CADPS: variants seen among roughly 807,000 people sequenced by gnomAD.
CADPS encodes calcium-dependent secretion activator 1.
CADPS carries 57 observed loss-of-function variants against 167.3 expected under a neutral mutation model. That is an observed-to-expected ratio of 0.34 (90% confidence interval 0.28 to 0.42). The LOEUF (loss-of-function observed/expected upper bound fraction) is 0.42. Among genes scored for constraint, CADPS ranks in the 20% least tolerant of loss-of-function variants. CADPS has a pLI of 1.00. For missense variants in CADPS, 1,414 were observed against 1,738.1 expected, an observed-to-expected ratio of 0.81 and a Z score of 3.32; for synonymous variants, 676 against 635.3, an observed-to-expected ratio of 1.06 and a Z score of -0.96.
chr3:62,566,505 G>A (rs1303833612), intron 9 of CADPS, among the ~76,000 whole-genome samples: 7 of 152,286 alleles, frequency 4.6e-5, no homozygotes, highest in African/African-American at 1.7e-4. Flanking sequence ...AGCTCTGATG[G>A]CATTGGGGTT....
At chr3:62,566,984 C>G (rs1249164485) in intron 9 of CADPS, among the ~76,000 whole-genome samples, 4 of 152,174 alleles carry the variant, frequency 2.6e-5, no homozygotes. Context: ...GAAGTGAGCA[C>G]AGAGCTTGCT....
intron 3 of CADPS, among the ~76,000 whole-genome samples, chr3:62,716,376 G>A (rs549109060): frequency 1.3e-5 from 2 of 152,178 alleles, no homozygotes; most frequent in East Asian, 1.9e-4. Context: ...TCTAGATTTA[G>A]TAGAGAATGG....
At chr3:62,692,107 G>A (rs763826665) in intron 3 of CADPS, among the ~76,000 whole-genome samples, 24 of 151,900 alleles carry the variant, frequency 1.6e-4, no homozygotes, top group Admixed American at 3.3e-4. Flanking sequence ...AAATATGGAT[G>A]ATGGTATTTT....
At chr3:62,729,118 T>G (rs536148967) in intron 3 of CADPS, among the ~76,000 whole-genome samples, 2 of 151,912 alleles carry the variant, frequency 1.3e-5, no homozygotes, top group Non-Finnish European at 2.9e-5. Context: ...TCAAGTGGGG[T>G]GGTGACAGCA....
At chr3:62,430,232 G>C (rs1182238741) in intron 28 of CADPS, among the ~76,000 whole-genome samples, 1 of 152,142 alleles carries the variant, frequency 6.6e-6, no homozygotes, top group Non-Finnish European at 1.5e-5. Flanking sequence ...CCAAGTCCAT[G>C]TGGAATGGAA....
intron 13 of CADPS, among the ~76,000 whole-genome samples, chr3:62,527,870 CT>C (rs2072689040): frequency 6.6e-6 from 1 of 152,138 alleles, no homozygotes; most frequent in Admixed American, 6.5e-5. Context: ...TCATGAATTG[CT>C]TTTAAATCTG....
intron 1 of CADPS, among the ~76,000 whole-genome samples, chr3:62,804,906 G>T (rs1046384677): frequency 2.0e-5 from 3 of 152,114 alleles, no homozygotes; most frequent in African/African-American, 7.2e-5. Flanking sequence ...CAAATTTACT[G>T]AGAGTGAACA....
intron 28 of CADPS, 70 bp from the exon 29 acceptor site, chr3:62,403,255 C>A: frequency 9.5e-7 from 1 of 1,055,882 alleles, no homozygotes. Context: ...AGAGAGCAGG[C>A]AATGTTTGAG....
chr3:62,534,980 C>A (rs1402174145), intron 12 of CADPS, among the ~76,000 whole-genome samples: 1 of 151,922 alleles, frequency 6.6e-6, no homozygotes, highest in East Asian at 1.9e-4. Flanking sequence ...AACTCTCCTT[C>A]ACAGTGAATC....
chr3:62,487,552 T>C (rs2063030363), intron 21 of CADPS, among the ~76,000 whole-genome samples: 1 of 152,208 alleles, frequency 6.6e-6, no homozygotes, highest in Non-Finnish European at 1.5e-5. Flanking sequence ...AGCAAAGAGA[T>C]GACATTGTCC....
At chr3:62,569,962 A>G (rs2080986888) in intron 9 of CADPS, among the ~76,000 whole-genome samples, 1 of 152,210 alleles carries the variant, frequency 6.6e-6, no homozygotes, top group Non-Finnish European at 1.5e-5. Flanking sequence ...TTCTGGAAAA[A>G]AATTTAAGAA....
intron 3 of CADPS, among the ~76,000 whole-genome samples, chr3:62,672,553 C>T (rs1384951732): frequency 6.6e-6 from 1 of 152,160 alleles, no homozygotes; most frequent in Admixed American, 6.6e-5. Flanking sequence ...CCATTCTGTA[C>T]TTCTAGGTTC....
intron 28 of CADPS, among the ~76,000 whole-genome samples, chr3:62,431,143 T>C (rs539416617): frequency 7.2e-5 from 11 of 152,158 alleles, no homozygotes; most frequent in Non-Finnish European, 1.6e-4. Context: ...TAATTTCAGA[T>C]TGATAACCTC....
At position 62,478,234 on chromosome 3, in the gene CADPS, A is replaced by G. The variant is rs752038914; in HGVS notation, c.3329+27T>C. On this transcript the variant is annotated intron_variant, in intron 23 of 29. Coordinates refer to ENST00000383710, the MANE Select transcript of CADPS (RefSeq NM_003716.4). This position sits in a 1 kb window ranked among gnomAD's most constrained non-coding sequence, Gnocchi z 5.7. ...TCTGTGTATGGTGGGGAGGGTGTGC[A>G]GAACCTGTCCAGCCACCTATACTTA... 1 of 1,612,634 alleles carries G rather than the reference A, an allele frequency of 6.2e-7. No individual in the cohort carries two copies. Among genetic ancestry groups the G allele is most frequent in the Non-Finnish European group, 8.5e-7 (1 of 1,179,310 alleles).
At chr3:62,403,270 C>A in intron 28 of CADPS, 85 bp from the exon 29 acceptor site, 1 of 838,192 alleles carries the variant, frequency 1.2e-6, no homozygotes, top group South Asian at 1.5e-5. Context: ...TTTGAGTACC[C>A]CACTCTGTTC....
chr3:62,407,843 C>T (rs1289676853), intron 28 of CADPS, among the ~76,000 whole-genome samples: 2 of 152,158 alleles, frequency 1.3e-5, no homozygotes, highest in African/African-American at 4.8e-5. Context: ...AAGTGATTCT[C>T]CTGCCTCAGC....
chr3:62,624,401 T>A (rs1023339517), intron 6 of CADPS, among the ~76,000 whole-genome samples: 1 of 152,060 alleles, frequency 6.6e-6, no homozygotes, highest in African/African-American at 2.4e-5. Context: ...ATCCATATGT[T>A]TCAGAAAAAA....
At chr3:62,709,136 T>G (rs1280169812) in intron 3 of CADPS, among the ~76,000 whole-genome samples, 1 of 152,088 alleles carries the variant, frequency 6.6e-6, no homozygotes, top group Non-Finnish European at 1.5e-5. Context: ...CAGCTCTGGC[T>G]CAAACAAAGG....
At chr3:62,654,859 G>A (rs547443864) in intron 4 of CADPS, among the ~76,000 whole-genome samples, 9 of 152,254 alleles carry the variant, frequency 5.9e-5, no homozygotes, top group East Asian at 5.8e-4. Flanking sequence ...AATAGCTAGC[G>A]TTTGTGAAGT....
Sources: gnomAD v4.1 joint callset for allele counts (sites outside exome capture counted in the v4.1 genomes callset) on GRCh38, gnomAD v4.1.1 for gene constraint, Gnocchi (gnomAD v3.1) non-coding constraint, MANE v1.5 for transcripts, NCBI Gene and HGNC (gene_info 2026-07-23, HGNC 2026-07-21) for gene names.